The following EGFR variants were observed in gnomAD, a reference collection of about 807,000 sequenced individuals.
EGFR encodes epidermal growth factor receptor, also known as avian erythroblastic leukemia viral (v-erb-b) oncogene homolog.
In EGFR, 58 loss-of-function variants were observed where a neutral mutation model predicts 143.0. That is an observed-to-expected ratio of 0.41 (90% CI 0.33 to 0.50). The LOEUF (loss-of-function observed/expected upper bound fraction) is 0.50. Among genes scored for constraint, EGFR ranks in the 20% least tolerant of loss-of-function variants. The pLI, the probability that EGFR is intolerant of heterozygous loss-of-function variation, is 0.39. For missense variants in EGFR, 1,307 were observed against 1,579.0 expected (o/e 0.83, Z 2.92); for synonymous variants, 613 against 594.4 (o/e 1.03, Z -0.45).
chr7:55,163,705 C>A (rs766657177), intron 13 of EGFR, 28 bp from the exon 14 acceptor site: 5 of 1,599,366 alleles, frequency 3.1e-6, no homozygotes, highest in Admixed American at 1.7e-5. Context: ...CAGGGGTGGG[C>A]TGACGGGTTT....
intron 20 of EGFR, among the ~76,000 whole-genome samples, chr7:55,187,822 T>G (rs1787208890): frequency 6.6e-6 from 1 of 152,128 alleles, no homozygotes; most frequent in Non-Finnish European, 1.5e-5. Context: ...GGGGTGGGGC[T>G]GCCCTCCCCA....
At chr7:55,031,918 C>G (rs904543885) in intron 1 of EGFR, among the ~76,000 whole-genome samples, 14 of 152,174 alleles carry the variant, frequency 9.2e-5, no homozygotes, top group Admixed American at 9.2e-4. Context: ...CACTTGTCTT[C>G]TTTCACTAGG....
intron 1 of EGFR, among the ~76,000 whole-genome samples, chr7:55,071,745 T>C (rs1789845065): frequency 6.6e-6 from 1 of 152,244 alleles, no homozygotes; most frequent in East Asian, 1.9e-4. Context: ...TTCAAATTAG[T>C]ACAGAATCAC....
chr7:55,110,819 C>T (rs1338672061), intron 1 of EGFR, among the ~76,000 whole-genome samples: 1 of 152,220 alleles, frequency 6.6e-6, no homozygotes, highest in African/African-American at 2.4e-5. Context: ...CAGCTGGCCC[C>T]TGGCAGATCT....
chr7:55,065,830 C>CTTTTT (rs35171442), intron 1 of EGFR, among the ~76,000 whole-genome samples: 4 of 120,472 alleles, frequency 3.3e-5, no homozygotes, highest in Admixed American at 8.7e-5. Context: ...GACTAAGTGG[C>CTTTTT]TTTTTTTTTT....
chr7:55,151,195 T>C lies in EGFR; in HGVS notation c.560-99T>C, dbSNP rs536734178. On this transcript the variant is annotated intron_variant, in intron 4 of 27. Coordinates refer to ENST00000275493, the MANE Select transcript of EGFR (RefSeq NM_005228.5). ...ATCAGAGAATAAGTTGAAAAGATTG[T>C]CTTCATTTATTGAATGTGCTTAACT... The C allele has an allele frequency of 1.1e-4, 130 of 1,164,862 alleles. No individual in the cohort carries two copies. In the African/African-American group the frequency reaches 1.7e-3, roughly 15 times the overall value. 72.2% of individuals were successfully genotyped at this position (1,164,862 alleles called of 1,614,324 possible).
chr7:55,089,942 A>C (rs199688970), intron 1 of EGFR, among the ~76,000 whole-genome samples: 300 of 1,884 alleles, frequency 0.16, 3 homozygotes, highest in African/African-American at 0.23. Flanking sequence ...GATGCTACTT[A>C]TTTATTTATT....
intron 22 of EGFR, among the ~76,000 whole-genome samples, chr7:55,193,811 T>C (rs1019804263): frequency 4.6e-5 from 7 of 152,232 alleles, no homozygotes; most frequent in Admixed American, 1.3e-4. Context: ...TTTTACTTAG[T>C]ATTTTTTCTT....
intron 1 of EGFR, among the ~76,000 whole-genome samples, chr7:55,108,403 TG>T (rs1329127912): frequency 6.6e-6 from 1 of 152,214 alleles, no homozygotes; most frequent in African/African-American, 2.4e-5. Context: ...GTCGAATGTG[TG>T]GGTTATCTCC....
At chr7:55,062,548 G>C (rs1355572924) in intron 1 of EGFR, among the ~76,000 whole-genome samples, 1 of 152,116 alleles carries the variant, frequency 6.6e-6, no homozygotes, top group African/African-American at 2.4e-5. Context: ...CATCTGCATG[G>C]AAAAATGTGC....
At chr7:55,082,608 T>C (rs183626662) in intron 1 of EGFR, among the ~76,000 whole-genome samples, 1 of 152,304 alleles carries the variant, frequency 6.6e-6, no homozygotes, top group Non-Finnish European at 1.5e-5. Flanking sequence ...TTTTTTTCAT[T>C]TCATGGTTCA....
chr7:55,152,785 A>T (rs1785226256), intron 6 of EGFR, 121 bp downstream of exon 6: 3 of 792,386 alleles, frequency 3.8e-6, no homozygotes, highest in Non-Finnish European at 6.1e-6. Flanking sequence ...AACAGACAGG[A>T]TATTGCCCTC....
chr7:55,073,874 C>T (rs1789981281), intron 1 of EGFR, among the ~76,000 whole-genome samples: 1 of 152,222 alleles, frequency 6.6e-6, no homozygotes, highest in South Asian at 2.1e-4. Flanking sequence ...TTTGCATGTG[C>T]ACAGGGATGC....
intron 8 of EGFR, 50 bp from the exon 9 acceptor site, chr7:55,156,483 T>A (rs1284869894): frequency 6.2e-7 from 1 of 1,612,486 alleles, no homozygotes; most frequent in Admixed American, 1.7e-5. Context: ...CCCTAGCTAT[T>A]CTTAATCCAA....
intron 13 of EGFR, among the ~76,000 whole-genome samples, chr7:55,162,069 A>G (rs1433973036): frequency 6.6e-6 from 1 of 152,228 alleles, no homozygotes; most frequent in African/African-American, 2.4e-5. Flanking sequence ...ATGTGCCCCC[A>G]GCATGTGTTG....
At chr7:55,098,308 TA>T in intron 1 of EGFR, among the ~76,000 whole-genome samples, 1 of 152,242 alleles carries the variant, frequency 6.6e-6, no homozygotes, top group African/African-American at 2.4e-5. Context: ...GGGATGGGGC[TA>T]GGGGGACTGG....
chr7:55,076,102 G>A (rs1452359030), intron 1 of EGFR, among the ~76,000 whole-genome samples: 4 of 152,126 alleles, frequency 2.6e-5, no homozygotes, highest in African/African-American at 9.7e-5. Flanking sequence ...TGGGATACTG[G>A]TATGGTTTAT....
chr7:55,129,744 G>A (rs2128919248), intron 1 of EGFR, among the ~76,000 whole-genome samples: 1 of 152,314 alleles, frequency 6.6e-6, no homozygotes, highest in Admixed American at 6.5e-5. Flanking sequence ...TTTAGCTGAT[G>A]ATGAAATAGG....
In EGFR at chr7:55,143,469, G is replaced by T. The variant is rs1184003507; in HGVS notation, c.405G>T (p.Leu135=). The T allele has an allele frequency of 6.2e-7, 1 of 1,614,196 alleles. No homozygotes were observed. The highest frequency in any genetic ancestry group is 1.1e-5 in the South Asian group (1 of 91,082). The change falls in exon 3 of 28, where the codon CTG becomes CTT. Residue 135 remains leucine (L), a synonymous_variant. Transcript: ENST00000275493. ...YDANKTGLKE[L]PMRNLQEILH... is the part of the protein sequence containing the mutation. ...CAAATAAAACCGGACTGAAGGAGCT[G>T]CCCATGAGAAATTTACAGGGTGAGA... is the stretch of plus-strand genomic sequence containing the variant.
Sources: allele counts gnomAD v4.1 joint callset (sites outside exome capture counted in the v4.1 genomes callset), GRCh38; gene constraint gnomAD v4.1.1; transcripts MANE v1.5; gene names NCBI Gene and HGNC (gene_info 2026-07-23, HGNC 2026-07-21).